OSBPL9: variants seen among roughly 807,000 people sequenced by gnomAD.
OSBPL9 encodes oxysterol-binding protein-related protein 9.
Under a neutral mutation model 106.6 loss-of-function variants are expected in OSBPL9, and 40 were observed. The ratio of observed to expected loss-of-function variants is 0.38; its 90% CI spans 0.29 to 0.49. The LOEUF (loss-of-function observed/expected upper bound fraction) is 0.49, where lower values mean the gene tolerates loss of function less well. Among genes scored for constraint, OSBPL9 ranks in the 20% least tolerant of loss-of-function variants. OSBPL9 has a pLI of 0.97. For synonymous variants in OSBPL9, 269 were observed against 295.4 expected, an observed-to-expected ratio of 0.91 and a Z score of 0.92; for missense variants, 609 against 887.2, an observed-to-expected ratio of 0.69 and a Z score of 3.98.
At chr1:51,539,947 T>C in the OSBPL9 span, among the ~76,000 whole-genome samples, 30 of 152,348 alleles carry the variant, frequency 2.0e-4, no homozygotes, top group East Asian at 5.6e-3. Flanking sequence ...TCATGCTTCC[T>C]TTTCTTTTCC....
intron 1 of OSBPL9, among the ~76,000 whole-genome samples, chr1:51,639,297 C>T (rs1306980456): frequency 6.6e-6 from 1 of 152,100 alleles, no homozygotes; most frequent in African/African-American, 2.4e-5. Flanking sequence ...TCCTGTGTGC[C>T]AGTAGTAGAT....
chr1:51,564,050 CT>C, the OSBPL9 span, among the ~76,000 whole-genome samples: 1 of 90 alleles, frequency 0.011, no homozygotes, highest in South Asian at 0.12. Flanking sequence ...GCGAGATCAT[CT>C]CAAAAAAAAA....
At chr1:51,687,865 G>A (rs912701912) in intron 3 of OSBPL9, among the ~76,000 whole-genome samples, 3 of 152,198 alleles carry the variant, frequency 2.0e-5, no homozygotes, top group African/African-American at 7.2e-5. Flanking sequence ...TGGCTCAGAG[G>A]GAACACTAGG....
rs143952398 is a variant in OSBPL9 at position 51,585,780 on chromosome 1, A to C, written c.-423+8524A>C. Among the ~76,000 whole-genome samples the C allele has an allele frequency of 5.5e-3, 832 of 151,860 alleles. 11 individuals are homozygous for C. The highest frequency in any genetic ancestry group is 0.019 in the African/African-American group (797 of 41,374). On this transcript the variant is annotated intron_variant, in intron 1 of 25. Coordinates refer to the OSBPL9 transcript ENST00000371714. ...AACAGAGCGAGACTCCATCTCAAAA[A>C]ATAAATAAATAAATAAAGTTCAAAA...
chr1:51,756,409 A>C (rs768458186), intron 9 of OSBPL9, 51 bp downstream of exon 9: 4 of 1,545,534 alleles, frequency 2.6e-6, no homozygotes. Flanking sequence ...AGAGCATTAT[A>C]ACCAGTCATA....
At chr1:51,777,724 T>C (rs566032985) in intron 15 of OSBPL9, among the ~76,000 whole-genome samples, 1 of 152,334 alleles carries the variant, frequency 6.6e-6, no homozygotes, top group East Asian at 1.9e-4. Context: ...AATTAACAGA[T>C]AATTTAAGAA....
At chr1:51,768,067 G>A (rs965365341) in intron 12 of OSBPL9, among the ~76,000 whole-genome samples, 5 of 144,210 alleles carry the variant, frequency 3.5e-5, no homozygotes, top group African/African-American at 1.3e-4. Flanking sequence ...TCAGCCTCCC[G>A]AGTAGCTGGG....
At chr1:51,628,232 A>G (rs72896080) in intron 1 of OSBPL9, among the ~76,000 whole-genome samples, 2,861 of 152,282 alleles carry the variant, frequency 0.019, 92 homozygotes, top group African/African-American at 0.066. Flanking sequence ...ACAAATACAC[A>G]TCTGTGTACT....
chr1:51,525,044 C>G, the OSBPL9 span, among the ~76,000 whole-genome samples: 201 of 152,274 alleles, frequency 1.3e-3, 4 homozygotes, highest in East Asian at 0.033. Flanking sequence ...TCCTGTTTGC[C>G]AGACTTGGGC....
chr1:51,617,032 T>TGCGGCCCCGCCCCCC (rs761547484), upstream of OSBPL9: 4 of 382,394 alleles, frequency 1.0e-5, no homozygotes, highest in East Asian at 3.1e-4. Flanking sequence ...CCCCGCCCCC[T>TGCGGCCCCGCCCCCC]GCGGCCCCGC....
intron 4 of OSBPL9, among the ~76,000 whole-genome samples, chr1:51,742,418 C>T (rs966524302): frequency 3.5e-4 from 53 of 152,176 alleles, no homozygotes; most frequent in African/African-American, 1.3e-3. Context: ...TATTCTTAGT[C>T]CTGTTTAAAA....
intron 12 of OSBPL9, among the ~76,000 whole-genome samples, chr1:51,770,519 C>T (rs1673636069): frequency 6.6e-6 from 1 of 152,174 alleles, no homozygotes; most frequent in South Asian, 2.1e-4. Context: ...CTCAAGTGAT[C>T]CTCTTGCCTT....
At chr1:51,763,792 G>A (rs771875663) in intron 11 of OSBPL9, among the ~76,000 whole-genome samples, 2 of 152,100 alleles carry the variant, frequency 1.3e-5, no homozygotes, top group Admixed American at 6.5e-5. Flanking sequence ...CCTGAGCTGT[G>A]TCACCTCTTC....
chr1:51,770,970 T>C (rs1673739771), intron 12 of OSBPL9, among the ~76,000 whole-genome samples: 1 of 152,088 alleles, frequency 6.6e-6, no homozygotes, highest in African/African-American at 2.4e-5. Flanking sequence ...CTTTGAGTGA[T>C]AATGATGTGT....
intron 1 of OSBPL9, among the ~76,000 whole-genome samples, chr1:51,644,934 G>C (rs1374011071): frequency 3.3e-5 from 5 of 152,156 alleles, no homozygotes; most frequent in African/African-American, 1.2e-4. Context: ...GTGTCCCCCA[G>C]CATTCATGTG....
intron 1 of OSBPL9, among the ~76,000 whole-genome samples, chr1:51,635,622 T>C (rs185426905): frequency 6.6e-6 from 1 of 152,310 alleles, no homozygotes; most frequent in Admixed American, 6.5e-5. Flanking sequence ...ACTATTTAGT[T>C]TTTAATATTT....
chr1:51,638,567 A>AT (rs1491007559), intron 1 of OSBPL9, among the ~76,000 whole-genome samples: 1 of 151,760 alleles, frequency 6.6e-6, no homozygotes, highest in African/African-American at 2.4e-5. Context: ...TATAAAAAAA[A>AT]TTTTTTTTAA....
At chr1:51,653,571 C>G (rs753955497) in intron 2 of OSBPL9, among the ~76,000 whole-genome samples, 11 of 152,202 alleles carry the variant, frequency 7.2e-5, no homozygotes, top group Non-Finnish European at 1.3e-4. Flanking sequence ...AATTACATCC[C>G]TTATATGTCT....
At chr1:51,530,180 A>AAAAAAAAAAAAAAAAAAAAAAAAAAAC in the OSBPL9 span, among the ~76,000 whole-genome samples, 1 of 114,428 alleles carries the variant, frequency 8.7e-6, no homozygotes, top group Non-Finnish European at 1.8e-5. Flanking sequence ...CAAAAAAAAA[A>AAAAAAAAAAAAAAAAAAAAAAAAAAAC]AAAAAAAAAA....
Sources: gnomAD v4.1 joint callset for allele counts (sites outside exome capture counted in the v4.1 genomes callset) on GRCh38, gnomAD v4.1.1 for gene constraint, MANE v1.5 for transcripts, NCBI Gene and HGNC (gene_info 2026-07-23, HGNC 2026-07-21) for gene names.